Variants in RBFOX1 observed in about 807,000 individuals in gnomAD.
RBFOX1 encodes RNA binding protein fox-1 homolog 1.
RBFOX1 carries 8 observed loss-of-function variants against 57.7 expected under a neutral mutation model. The ratio of observed to expected loss-of-function variants is 0.14; its 90% CI spans 0.08 to 0.25. The LOEUF (loss-of-function observed/expected upper bound fraction) is 0.25, where lower values mean the gene tolerates loss of function less well. RBFOX1 is among the 10% of genes least tolerant of loss of function. The pLI is 1.00. For synonymous variants in RBFOX1, 326 were observed against 222.4 expected, an observed-to-expected ratio of 1.47 and a Z score of -4.15; for missense variants, 611 against 548.5, an observed-to-expected ratio of 1.11 and a Z score of -1.14.
chr16:6,964,684 A>G (rs917467072), intron 3 of RBFOX1, among the ~76,000 whole-genome samples: 3 of 152,120 alleles, frequency 2.0e-5, no homozygotes, highest in African/African-American at 7.2e-5. Flanking sequence ...AGGATTTGCA[A>G]AAGCTGATAT....
chr16:6,552,792 G>T (rs948851575), intron 2 of RBFOX1, among the ~76,000 whole-genome samples: 7 of 151,948 alleles, frequency 4.6e-5, no homozygotes, highest in African/African-American at 1.4e-4. Context: ...ACAATTATAT[G>T]TGGTATGTAT....
intron 1 of RBFOX1, among the ~76,000 whole-genome samples, chr16:5,328,237 C>T (rs969562062): frequency 6.6e-6 from 1 of 152,122 alleles, no homozygotes. Flanking sequence ...TTAAATAAGG[C>T]TTTTAAAGGG....
intron 2 of RBFOX1, among the ~76,000 whole-genome samples, chr16:6,631,355 AAAG>A (rs1458196028): frequency 2.6e-5 from 4 of 152,294 alleles, no homozygotes; most frequent in African/African-American, 9.6e-5. Flanking sequence ...AGAACCTTAT[AAAG>A]AAGATGAAGT....
At chr16:5,623,285 G>A (rs1279308903) in intron 3 of RBFOX1, among the ~76,000 whole-genome samples, 1 of 152,126 alleles carries the variant, frequency 6.6e-6, no homozygotes, top group South Asian at 2.1e-4. Context: ...GGATTTCTTA[G>A]GGCAGGGGTC....
At chr16:6,000,725 GTGGATGAGTGCATGGGTAGATGGA>G (rs201015309) in intron 4 of RBFOX1, among the ~76,000 whole-genome samples, 3,348 of 150,802 alleles carry the variant, frequency 0.022, 116 homozygotes, top group East Asian at 0.15. Context: ...GGGTAGATGG[GTGGATGAGTGCATGGGTAGATGGA>G]TGGATGAGTG....
intron 3 of RBFOX1, among the ~76,000 whole-genome samples, chr16:6,746,867 T>G (rs572512728): frequency 3.3e-5 from 5 of 152,166 alleles, no homozygotes; most frequent in Non-Finnish European, 7.4e-5. Context: ...AACTCAAATG[T>G]TGATGTCCAG....
intron 10 of RBFOX1, among the ~76,000 whole-genome samples, chr16:7,608,285 C>A (rs1215058521): frequency 6.6e-6 from 1 of 152,150 alleles, no homozygotes; most frequent in East Asian, 1.9e-4. Flanking sequence ...TGAACACTGA[C>A]CCTTGTAGAT....
intron 1 of RBFOX1, among the ~76,000 whole-genome samples, chr16:5,333,320 TG>T (rs2064808988): frequency 6.6e-6 from 1 of 152,254 alleles, no homozygotes; most frequent in South Asian, 2.1e-4. Context: ...TATTGGAACA[TG>T]GTCACGCCCA....
At chr16:6,308,760 A>G (rs186099220) in intron 1 of RBFOX1, among the ~76,000 whole-genome samples, 78 of 152,306 alleles carry the variant, frequency 5.1e-4, no homozygotes, top group Admixed American at 7.2e-4. Context: ...GAGTTGTGGA[A>G]TAAGAGATGC....
At chr16:5,648,739 C>G (rs568817564) in intron 3 of RBFOX1, among the ~76,000 whole-genome samples, 3 of 152,246 alleles carry the variant, frequency 2.0e-5, no homozygotes, top group Admixed American at 2.0e-4. Flanking sequence ...TTCCTTGTGT[C>G]TACCTCCTCT....
At position 5,796,817 on chromosome 16, in the gene RBFOX1, A is replaced by T. The variant is rs528597941; in HGVS notation, c.319-70486A>T. On this transcript the variant is annotated intron_variant, in intron 3 of 19. Coordinates refer to the RBFOX1 transcript ENST00000641259. ...ACGTGGTGTTCTCTAACTCTGATAT[A>T]TTTCCCCCTTGTTTCCAGGTTAACC... Among the ~76,000 whole-genome samples the T allele has an allele frequency of 1.2e-4, 18 of 152,206 alleles. No homozygotes were observed. The South Asian group carries it at 3.7e-3, about 32-fold the overall frequency.
chr16:7,058,229 C>G (rs760831071), intron 4 of RBFOX1, among the ~76,000 whole-genome samples: 2 of 152,036 alleles, frequency 1.3e-5, no homozygotes, highest in Non-Finnish European at 2.9e-5. Context: ...AAGTTACTCC[C>G]CTTTCCATTG....
chr16:5,422,539 G>C (rs1291028775), intron 1 of RBFOX1, among the ~76,000 whole-genome samples: 36 of 86,462 alleles, frequency 4.2e-4, no homozygotes, highest in Non-Finnish European at 5.8e-4. Flanking sequence ...GGGCGCATGA[G>C]GGGGGCAGGG....
chr16:5,924,717 C>T (rs1388429800), intron 4 of RBFOX1, among the ~76,000 whole-genome samples: 2 of 152,186 alleles, frequency 1.3e-5, no homozygotes, highest in Non-Finnish European at 2.9e-5. Flanking sequence ...TTTATAGCAA[C>T]ACAAGTGGTC....
chr16:6,013,439 CT>C (rs1444803443), intron 4 of RBFOX1, among the ~76,000 whole-genome samples: 5 of 152,196 alleles, frequency 3.3e-5, no homozygotes, highest in Admixed American at 3.3e-4. Context: ...TTTTTTTACT[CT>C]AAGACCAATT....
At chr16:7,597,018 A>G (rs1188653264) in intron 8 of RBFOX1, among the ~76,000 whole-genome samples, 1 of 151,802 alleles carries the variant, frequency 6.6e-6, no homozygotes, top group Non-Finnish European at 1.5e-5. Context: ...TATGAATTTT[A>G]TTTTATGTTT....
intron 5 of RBFOX1, among the ~76,000 whole-genome samples, chr16:7,568,827 C>G (rs2092429085): frequency 7.9e-6 from 1 of 127,242 alleles, no homozygotes; most frequent in African/African-American, 3.0e-5. Context: ...GCGGAGCTTA[C>G]AGTGAGCTGA....
At chr16:5,857,111 G>C (rs2057091478) in intron 3 of RBFOX1, among the ~76,000 whole-genome samples, 1 of 152,098 alleles carries the variant, frequency 6.6e-6, no homozygotes, top group African/African-American at 2.4e-5. Context: ...TAAAGGTCAT[G>C]GTAGGATTAT....
intron 1 of RBFOX1, among the ~76,000 whole-genome samples, chr16:5,375,009 G>T (rs1215648721): frequency 7.1e-6 from 1 of 141,148 alleles, no homozygotes; most frequent in African/African-American, 2.7e-5. Context: ...TGGAATTCCA[G>T]AGAGGCCACC....
Sources: allele counts gnomAD v4.1 joint callset (sites outside exome capture counted in the v4.1 genomes callset), GRCh38; gene constraint gnomAD v4.1.1; transcripts MANE v1.5; gene names NCBI Gene and HGNC (gene_info 2026-07-23, HGNC 2026-07-21).